LGR4: variants seen among roughly 807,000 people sequenced by gnomAD.
LGR4 encodes leucine-rich repeat-containing G protein-coupled receptor 4.
In LGR4, 44 loss-of-function variants were observed where a neutral mutation model predicts 84.8. That is an observed-to-expected ratio of 0.52 (90% CI 0.41 to 0.67). LGR4 has a LOEUF of 0.67. Among genes scored for constraint, LGR4 ranks in the 30% least tolerant of loss-of-function variants. The pLI is 0.00. For synonymous variants in LGR4, 429 were observed against 434.3 expected (o/e 0.99, Z 0.15); for missense variants, 1,032 against 1,131.4 (o/e 0.91, Z 1.26).
intron 1 of LGR4, among the ~76,000 whole-genome samples, chr11:27,436,078 A>AT (rs746826814): frequency 4.2e-4 from 64 of 151,472 alleles, no homozygotes; most frequent in Non-Finnish European, 7.1e-4. Context: ...CGCCCGGCTA[A>AT]TTTTTTGTAT....
chr11:27,415,522 G>A (rs1863799971), intron 1 of LGR4, among the ~76,000 whole-genome samples: 1 of 152,100 alleles, frequency 6.6e-6, no homozygotes, highest in Non-Finnish European at 1.5e-5. Context: ...TTTGCTGTGA[G>A]CTGTAAATGC....
intron 5 of LGR4, 97 bp from the exon 6 acceptor site, chr11:27,384,504 G>A: frequency 1.2e-6 from 1 of 841,324 alleles, no homozygotes; most frequent in Non-Finnish European, 2.0e-6. Flanking sequence ...AAGGAATGAT[G>A]TAGCTAAACA....
intron 1 of LGR4, among the ~76,000 whole-genome samples, chr11:27,435,359 A>ACAG (rs1864190282): frequency 6.6e-6 from 1 of 151,834 alleles, no homozygotes; most frequent in Admixed American, 6.6e-5. Flanking sequence ...AACAACAACA[A>ACAG]CAACAACAAA....
chr11:27,459,121 C>T (rs1021536512), intron 1 of LGR4, among the ~76,000 whole-genome samples: 1 of 152,074 alleles, frequency 6.6e-6, no homozygotes, highest in Non-Finnish European at 1.5e-5. Context: ...TGTTGTTATT[C>T]AGCTTATGTT....
In LGR4 at chr11:27,436,912, G is replaced by C. The variant is rs186997439; in HGVS notation, c.186-24052C>G. On this transcript the variant is annotated intron_variant, in intron 1 of 17. Coordinates refer to ENST00000379214, the MANE Select transcript of LGR4 (RefSeq NM_018490.5). ...TGCACTGCATTGCGGGGATAGGAGG[G>C]GGTGTTGAAGGGAGATGGAGGGATT... Among the ~76,000 whole-genome samples the C allele has an allele frequency of 2.8e-3, 423 of 152,246 alleles. 3 individuals carry two copies. The highest frequency in any genetic ancestry group is 4.7e-3 in the Non-Finnish European group (321 of 68,012).
At chr11:27,430,913 A>G (rs115357631) in intron 1 of LGR4, among the ~76,000 whole-genome samples, 1 of 118,550 alleles carries the variant, frequency 8.4e-6, no homozygotes, top group African/African-American at 3.3e-5. Flanking sequence ...CCCAACCCCC[A>G]CAAGCACGCA....
intron 1 of LGR4, among the ~76,000 whole-genome samples, chr11:27,471,479 C>T (rs1864870505): frequency 6.6e-6 from 1 of 152,260 alleles, no homozygotes; most frequent in East Asian, 1.9e-4. Context: ...TCGGACTCCC[C>T]TGCGTGCTGC....
At chr11:27,458,203 GT>G (rs1864609403) in intron 1 of LGR4, among the ~76,000 whole-genome samples, 1 of 152,114 alleles carries the variant, frequency 6.6e-6, no homozygotes, top group African/African-American at 2.4e-5. Flanking sequence ...ATGCAGTATG[GT>G]GAGAAAAATA....
rs1470391993 is a variant in LGR4, at chr11:27,366,502, A to G, written c.*1365T>C. The G allele has an allele frequency of 1.3e-5, 2 of 152,552 alleles. No homozygotes were observed. Among genetic ancestry groups the G allele is most frequent in the Non-Finnish European group, 2.9e-5 (2 of 67,958 alleles). The allele number at this position is 152,552 out of a possible 1,614,324, so 9.4% of individuals were successfully genotyped here. On this transcript the variant is annotated 3_prime_UTR_variant, in exon 18 of 18. Transcript: ENST00000379214. ...TTATATGCACAGTATGTACAGTTTA[A>G]TTATTAAACTGCAATCTAGCTGGAT...
intron 16 of LGR4, 112 bp from the exon 17 acceptor site, chr11:27,371,810 C>G: frequency 1.4e-6 from 1 of 709,578 alleles, no homozygotes. Context: ...ATAGAAGGTT[C>G]AATAACATAT....
At chr11:27,371,721 G>GT (rs773556640) in intron 16 of LGR4, 23 bp from the exon 17 acceptor site, 1 of 1,559,952 alleles carries the variant, frequency 6.4e-7, no homozygotes. Context: ...CACAAAGCAT[G>GT]TTTAATTAAA....
intron 2 of LGR4, among the ~76,000 whole-genome samples, chr11:27,411,677 C>T (rs936939560): frequency 6.6e-6 from 1 of 152,104 alleles, no homozygotes; most frequent in Non-Finnish European, 1.5e-5. Flanking sequence ...AGCTCATAAA[C>T]TTGTAAGTGG....
At chr11:27,374,604 G>T (rs558401440) in intron 13 of LGR4, among the ~76,000 whole-genome samples, 2 of 152,090 alleles carry the variant, frequency 1.3e-5, no homozygotes, top group Non-Finnish European at 2.9e-5. Context: ...TGATATTATA[G>T]AATTAATAAA....
chr11:27,448,706 C>T (rs1327934322), intron 1 of LGR4, among the ~76,000 whole-genome samples: 1 of 152,150 alleles, frequency 6.6e-6, no homozygotes, highest in Non-Finnish European at 1.5e-5. Flanking sequence ...CTGAATAAAA[C>T]ATTAAAGCTA....
chr11:27,458,111 C>A (rs1235148529), intron 1 of LGR4, among the ~76,000 whole-genome samples: 1 of 151,988 alleles, frequency 6.6e-6, no homozygotes, highest in African/African-American at 2.4e-5. Context: ...GCTTGGGCAA[C>A]AAAGCAAGTC....
chr11:27,409,354 A>C (rs565985698), intron 2 of LGR4, among the ~76,000 whole-genome samples: 94 of 152,240 alleles, frequency 6.2e-4, no homozygotes, highest in African/African-American at 2.2e-3. Context: ...AAGGCCCTTA[A>C]CCTTGTCAGT....
intron 2 of LGR4, among the ~76,000 whole-genome samples, chr11:27,404,414 C>T (rs2133389477): frequency 6.6e-6 from 1 of 152,288 alleles, no homozygotes; most frequent in Non-Finnish European, 1.5e-5. Flanking sequence ...TTTATACTAT[C>T]TAAGCCCAAC....
chr11:27,385,182 CT>C, intron 5 of LGR4, 70 bp downstream of exon 5: 1 of 1,109,966 alleles, frequency 9.0e-7, no homozygotes, highest in African/African-American at 1.6e-5. Context: ...TGATAATAAT[CT>C]GTCAGAAGAA....
At chr11:27,381,899 G>A (rs951583625) in intron 7 of LGR4, among the ~76,000 whole-genome samples, 1 of 152,162 alleles carries the variant, frequency 6.6e-6, no homozygotes, top group African/African-American at 2.4e-5. Flanking sequence ...ACAGCTGTCT[G>A]TCTTAACATG....
Sources: gnomAD v4.1 joint callset for allele counts (sites outside exome capture counted in the v4.1 genomes callset) on GRCh38, gnomAD v4.1.1 for gene constraint, MANE v1.5 for transcripts, NCBI Gene and HGNC (gene_info 2026-07-23, HGNC 2026-07-21) for gene names.